Variants in FUT8 observed in about 807,000 individuals in gnomAD.
FUT8 encodes fucosyltransferase 8.
FUT8 carries 29 observed loss-of-function variants against 71.3 expected under a neutral mutation model. The observed-to-expected ratio is 0.41, with a 90% CI of 0.30 to 0.55. The LOEUF (loss-of-function observed/expected upper bound fraction) is 0.55. FUT8 is among the 20% of genes least tolerant of loss of function. The probability of loss-of-function intolerance (pLI) is 0.34; values close to 1 mark genes in which losing one functional copy is unlikely to be tolerated. For synonymous variants in FUT8, 254 were observed against 239.3 expected, an observed-to-expected ratio of 1.06 and a Z score of -0.57; for missense variants, 544 against 702.1, an observed-to-expected ratio of 0.77 and a Z score of 2.55.
chr14:65,367,699 A>G, the FUT8 span, among the ~76,000 whole-genome samples: 3 of 152,160 alleles, frequency 2.0e-5, no homozygotes, highest in Non-Finnish European at 2.9e-5. Context: ...AAAGAACACT[A>G]CAGGGAATTC....
intron 2 of FUT8, among the ~76,000 whole-genome samples, chr14:65,540,788 A>G (rs1206221296): frequency 6.6e-6 from 1 of 152,236 alleles, no homozygotes; most frequent in Non-Finnish European, 1.5e-5. Context: ...AGCATAAATA[A>G]CTAACGAAGT....
At chr14:65,487,112 G>A (rs1412886144) in intron 2 of FUT8, among the ~76,000 whole-genome samples, 2 of 152,064 alleles carry the variant, frequency 1.3e-5, no homozygotes, top group Admixed American at 6.6e-5. Flanking sequence ...CTGAAGGAGA[G>A]TTCTAACTTG....
rs558487927 is a variant in FUT8, at chr14:65,414,339, T to C, written c.-326+1125T>C. Among the ~76,000 whole-genome samples the C allele has an allele frequency of 4.6e-5, 7 of 152,362 alleles. No homozygotes were observed. In the South Asian group the frequency reaches 1.2e-3, roughly 27 times the overall value. Reference sequence around the variant, plus strand: ...TATTTTCTTGATTAAATTTACATTCTATGTTTTATGACTAATTCTTTAAAT... The same window carrying C: ...TATTTTCTTGATTAAATTTACATTCCATGTTTTATGACTAATTCTTTAAAT... On this transcript the variant is annotated intron_variant, in intron 1 of 10. Coordinates refer to ENST00000673929, the MANE Select transcript of FUT8 (RefSeq NM_001371533.1).
At chr14:65,662,872 C>A (rs907874639) in intron 6 of FUT8, among the ~76,000 whole-genome samples, 14 of 152,128 alleles carry the variant, frequency 9.2e-5, no homozygotes, top group Non-Finnish European at 2.1e-4. Flanking sequence ...TCTATCCAAG[C>A]TCTTTCATTA....
intron 2 of FUT8, among the ~76,000 whole-genome samples, chr14:65,511,327 C>T (rs1164673983): frequency 6.6e-6 from 1 of 151,956 alleles, no homozygotes; most frequent in Non-Finnish European, 1.5e-5. Context: ...GTTTTGTGAC[C>T]TAACATATGG....
chr14:65,605,978 A>G (rs537770910), intron 3 of FUT8, among the ~76,000 whole-genome samples: 2 of 151,864 alleles, frequency 1.3e-5, no homozygotes, highest in Non-Finnish European at 2.9e-5. Flanking sequence ...GTTCTTTATA[A>G]AATCTATATA....
chr14:65,661,964 T>A (rs182423414), intron 6 of FUT8, among the ~76,000 whole-genome samples: 1 of 152,342 alleles, frequency 6.6e-6, no homozygotes, highest in Non-Finnish European at 1.5e-5. Context: ...CTGCTTTCCT[T>A]CAAATACCAT....
chr14:65,667,641 G>A (rs1303996182), intron 6 of FUT8, among the ~76,000 whole-genome samples: 5 of 151,946 alleles, frequency 3.3e-5, no homozygotes, highest in Non-Finnish European at 5.9e-5. Flanking sequence ...TCAAACTACC[G>A]ATGACATTCT....
the FUT8 span, among the ~76,000 whole-genome samples, chr14:65,357,527 C>T: frequency 1.3e-5 from 2 of 152,168 alleles, no homozygotes; most frequent in Non-Finnish European, 2.9e-5. Flanking sequence ...GAGATACCCC[C>T]TTAATGGCCA....
the FUT8 span, among the ~76,000 whole-genome samples, chr14:65,367,029 A>C: frequency 6.6e-6 from 1 of 152,230 alleles, no homozygotes; most frequent in Non-Finnish European, 1.5e-5. Context: ...CGATTCCCTA[A>C]GGACTGCAAC....
chr14:65,460,644 A>G (rs78010037), intron 2 of FUT8, among the ~76,000 whole-genome samples: 2,663 of 152,288 alleles, frequency 0.017, 79 homozygotes, highest in African/African-American at 0.061. Flanking sequence ...CTACACTACT[A>G]ACACATCCTA....
At chr14:65,383,802 C>G in the FUT8 span, among the ~76,000 whole-genome samples, 1 of 152,148 alleles carries the variant, frequency 6.6e-6, no homozygotes, top group African/African-American at 2.4e-5. Flanking sequence ...TACAGAGATA[C>G]AGTCAGGGTA....
intron 1 of FUT8, among the ~76,000 whole-genome samples, chr14:65,426,482 A>G (rs1209048726): frequency 1.3e-5 from 2 of 152,154 alleles, no homozygotes; most frequent in Non-Finnish European, 2.9e-5. Flanking sequence ...ATACTTACAT[A>G]CTGAATTGGA....
intron 6 of FUT8, among the ~76,000 whole-genome samples, chr14:65,656,210 A>C (rs955315797): frequency 1.3e-5 from 2 of 152,086 alleles, no homozygotes; most frequent in Non-Finnish European, 2.9e-5. Context: ...GAAAAAATCT[A>C]AAGACTCTTC....
At chr14:65,658,926 A>G (rs1446856380) in intron 6 of FUT8, among the ~76,000 whole-genome samples, 1 of 152,118 alleles carries the variant, frequency 6.6e-6, no homozygotes, top group African/African-American at 2.4e-5. Flanking sequence ...GTATTGTATA[A>G]TGTCAATTTC....
intron 6 of FUT8, among the ~76,000 whole-genome samples, chr14:65,665,909 C>T (rs1892188608): frequency 6.6e-6 from 1 of 151,912 alleles, no homozygotes; most frequent in African/African-American, 2.4e-5. Context: ...AGATGGGCAC[C>T]ACAGACACTG....
chr14:65,618,818 T>A lies in FUT8; in HGVS notation c.482+2445T>A, dbSNP rs74530954. Among the ~76,000 whole-genome samples, 1,052 of 152,306 alleles carry A rather than the reference T, an allele frequency of 6.9e-3. 11 individuals carry two copies. Among genetic ancestry groups the A allele is most frequent in the African/African-American group, 0.024 (988 of 41,560 alleles). On this transcript the variant is annotated intron_variant, in intron 5 of 10. Transcript: ENST00000673929. ...GGTCTGTAGCTGGGACCATGGTCAG[T>A]GAGGCTGCCACCTGGGTATGGGCCT...
At position 65,607,509 on chromosome 14, in the gene FUT8, C is replaced by T. The variant is rs905102349; in HGVS notation, c.204-8469C>T. Among the ~76,000 whole-genome samples the T allele has an allele frequency of 2.6e-5, 4 of 151,700 alleles. No individual in the cohort carries two copies. Among genetic ancestry groups the T allele is most frequent in the Non-Finnish European group, 2.9e-5 (2 of 67,872 alleles). On this transcript the variant is annotated intron_variant, in intron 3 of 10. Transcript: ENST00000673929. The surrounding 1 kb of genome is among the most constrained non-coding windows in gnomAD (Gnocchi z 4.1). Reference sequence around the variant, plus strand: ...AATTTAAATTAATAGTTTTTCTAATCGTAAACCAATGTAGTATTCTTAGGA... The same window carrying T: ...AATTTAAATTAATAGTTTTTCTAATTGTAAACCAATGTAGTATTCTTAGGA...
At chr14:65,559,620 A>G (rs973339805) in intron 2 of FUT8, among the ~76,000 whole-genome samples, 1 of 151,538 alleles carries the variant, frequency 6.6e-6, no homozygotes, top group Admixed American at 6.6e-5. Context: ...TTGTCTCAAA[A>G]TTACTGTTAA....
Sources: gnomAD v4.1 joint callset for allele counts (sites outside exome capture counted in the v4.1 genomes callset) on GRCh38, gnomAD v4.1.1 for gene constraint, Gnocchi (gnomAD v3.1) non-coding constraint, MANE v1.5 for transcripts, NCBI Gene and HGNC (gene_info 2026-07-23, HGNC 2026-07-21) for gene names.